The following PRR11 variants were observed in gnomAD, a reference collection of about 807,000 sequenced individuals.
PRR11 encodes the protein proline rich 11, also known as proline-rich protein 11.
Under a neutral mutation model 45.6 loss-of-function variants are expected in PRR11, and 30 were observed. That is an observed-to-expected ratio of 0.66 (90% CI 0.49 to 0.89). The LOEUF (loss-of-function observed/expected upper bound fraction) is 0.89, where lower values mean the gene tolerates loss of function less well. PRR11 is among the 40% of genes least tolerant of loss of function. The pLI is 0.00. For missense variants in PRR11, 373 were observed against 424.8 expected (o/e 0.88, Z 1.07); for synonymous variants, 128 against 153.5 (o/e 0.83, Z 1.23).
intron 2 of PRR11, among the ~76,000 whole-genome samples, chr17:59,180,400 G>C (rs1376480696): frequency 6.6e-6 from 1 of 151,124 alleles, no homozygotes; most frequent in African/African-American, 2.5e-5. Flanking sequence ...CGAAGTGCTG[G>C]GATTACAGGT....
chr17:59,181,862 G>A (rs2046788842), intron 2 of PRR11: 3 of 1,424,416 alleles, frequency 2.1e-6, no homozygotes, highest in Non-Finnish European at 2.9e-6. Context: ...CAGACTGTTG[G>A]CTTCTCCAAG....
At chr17:59,159,540 A>G (rs1460715857) in intron 1 of PRR11, among the ~76,000 whole-genome samples, 1 of 152,188 alleles carries the variant, frequency 6.6e-6, no homozygotes, top group African/African-American at 2.4e-5. Context: ...AATTTCCACG[A>G]TGCTGCCAAA....
rs746656717 is a variant in PRR11, at chr17:59,197,665, G to A, written c.918-28G>A. On this transcript the variant is annotated intron_variant, in intron 8 of 9. Coordinates refer to ENST00000262293, the MANE Select transcript of PRR11 (RefSeq NM_018304.4). Reference sequence around the variant, plus strand: ...ATTTTAAAAGTTGCCATAAAATACAGCTACTGTTATTTTCAATACCTTTGC... The same window carrying A: ...ATTTTAAAAGTTGCCATAAAATACAACTACTGTTATTTTCAATACCTTTGC... 18 of 1,610,608 alleles carry A rather than the reference G, an allele frequency of 1.1e-5. No homozygotes were observed. In the Admixed American group the frequency reaches 2.8e-4, roughly 25 times the overall value.
intron 1 of PRR11, among the ~76,000 whole-genome samples, chr17:59,165,004 GTTTTTGTTTTGTT>G (rs1365579529): frequency 3.9e-5 from 6 of 151,980 alleles, no homozygotes; most frequent in East Asian, 3.9e-4. Flanking sequence ...TTTATCTTGC[GTTTTTGTTTTGTT>G]TTTTTGTTTT....
intron 4 of PRR11, among the ~76,000 whole-genome samples, chr17:59,189,891 A>G (rs2147852159): frequency 6.6e-6 from 1 of 152,114 alleles, no homozygotes; most frequent in South Asian, 2.1e-4. Context: ...TTCTCAGGGG[A>G]CTGAGGTGGG....
intron 2 of PRR11, chr17:59,175,239 C>T (rs995871318): frequency 1.6e-5 from 6 of 380,254 alleles, no homozygotes; most frequent in African/African-American, 8.5e-5. Context: ...AGGACTGGCA[C>T]CCACCCTGCA....
Position 59,180,516 on chromosome 17 carries a change from TTTG to T in PRR11, c.129-4535_129-4533del, listed in dbSNP as rs1379444209. On this transcript the variant is annotated intron_variant, in intron 2 of 9. Transcript: ENST00000262293. ...TCCTTGTTTTTTTTTTTTTGTTTTT[TTTG>T]TTTTTTTTGCCACAGGGTCTCAGTC... Among the ~76,000 whole-genome samples the T allele has an allele frequency of 2.8e-3, 362 of 128,756 alleles. 16 individuals carry two copies. Among genetic ancestry groups the T allele is most frequent in the African/African-American group, 0.011 (349 of 30,868 alleles). 84.5% of individuals were successfully genotyped at this position (128,756 alleles called of 152,430 possible).
chr17:59,183,593 T>C (rs1318739581), intron 2 of PRR11, among the ~76,000 whole-genome samples: 5 of 152,128 alleles, frequency 3.3e-5, no homozygotes, highest in Non-Finnish European at 5.9e-5. Flanking sequence ...CTGAAAATCA[T>C]AGGAAACTGC....
chr17:59,189,227 G>A (rs1332130162), intron 4 of PRR11, among the ~76,000 whole-genome samples: 1 of 151,652 alleles, frequency 6.6e-6, no homozygotes, highest in Non-Finnish European at 1.5e-5. Context: ...TTGAACCCAG[G>A]AGGCAGAGGT....
At chr17:59,156,044 G>A (rs1302261815) in intron 1 of PRR11, among the ~76,000 whole-genome samples, 1 of 152,140 alleles carries the variant, frequency 6.6e-6, no homozygotes. Context: ...CAAAGCATCT[G>A]CCTTCCTTTT....
intron 1 of PRR11, among the ~76,000 whole-genome samples, 171 bp from the exon 2 acceptor site, chr17:59,169,577 C>G (rs777644689): frequency 2.2e-4 from 33 of 152,062 alleles, no homozygotes; most frequent in South Asian, 2.1e-4. Context: ...TTACATTTTC[C>G]CCTACTTCAG....
chr17:59,160,061 C>T (rs900185503), intron 1 of PRR11, among the ~76,000 whole-genome samples: 1 of 151,636 alleles, frequency 6.6e-6, no homozygotes, highest in South Asian at 2.1e-4. Context: ...TTTAAAAAAT[C>T]TGATATAGTA....
chr17:59,186,441 G>C, intron 4 of PRR11, among the ~76,000 whole-genome samples: 1 of 132,794 alleles, frequency 7.5e-6, no homozygotes, highest in Non-Finnish European at 1.6e-5. Flanking sequence ...TGTTACACAG[G>C]CTAGAGTGCA....
At chr17:59,178,529 C>T (rs1226537717) in intron 2 of PRR11, 1 of 525,848 alleles carries the variant, frequency 1.9e-6, no homozygotes, top group Admixed American at 1.9e-5. Flanking sequence ...ATGACAGGAT[C>T]CTCTGTGATT....
chr17:59,169,706 A>G (rs375690042), intron 1 of PRR11, 42 bp from the exon 2 acceptor site: 2 of 1,461,068 alleles, frequency 1.4e-6, no homozygotes, highest in African/African-American at 1.4e-5. Context: ...CTATATGTAT[A>G]TATTATTCTT....
chr17:59,166,032 A>G (rs1342589338), intron 1 of PRR11, among the ~76,000 whole-genome samples: 1 of 152,178 alleles, frequency 6.6e-6, no homozygotes, highest in Admixed American at 6.5e-5. Context: ...ATCTATTTCT[A>G]GAAGGGCTGT....
In PRR11 at chr17:59,195,211, G is replaced by T. The variant is rs1024744776; in HGVS notation, c.745-120G>T. 5.5e-6 allele frequency: 4 copies of T among 721,246 alleles called. No homozygotes were observed. The South Asian group carries it at 6.8e-5, about 12-fold the overall frequency. 44.7% of individuals were successfully genotyped at this position (721,246 alleles called of 1,614,324 possible). ...TTTGAAGCTCTGGAATAAAAATTGG[G>T]TAGCATACTGGATATATCTTACACA... On this transcript the variant is annotated intron_variant, in intron 6 of 9. Transcript: ENST00000262293.
At chr17:59,177,151 A>T in intron 2 of PRR11, 1 of 550,946 alleles carries the variant, frequency 1.8e-6, no homozygotes, top group Non-Finnish European at 3.6e-6. Flanking sequence ...GACAGATAGG[A>T]GGAAGCAAAC....
intron 6 of PRR11, 55 bp from the exon 7 acceptor site, chr17:59,195,276 A>C: frequency 7.9e-6 from 11 of 1,386,914 alleles, no homozygotes; most frequent in South Asian, 1.2e-5. Context: ...GCATGTTTAC[A>C]TTTTGAGTGA....
Sources: gnomAD v4.1 joint callset for allele counts (sites outside exome capture counted in the v4.1 genomes callset) on GRCh38, gnomAD v4.1.1 for gene constraint, MANE v1.5 for transcripts, NCBI Gene and HGNC (gene_info 2026-07-23, HGNC 2026-07-21) for gene names.